NFKB1: variants seen among roughly 807,000 people sequenced by gnomAD.
NFKB1 encodes the protein nuclear factor NF-kappa-B p105 subunit.
In NFKB1, 9 loss-of-function variants were observed where a neutral mutation model predicts 105.1. That is an observed-to-expected ratio of 0.09 (90% confidence interval 0.05 to 0.15). The LOEUF is 0.15. Ranked by LOEUF, NFKB1 falls within the 10% of genes least tolerant of loss-of-function variation. NFKB1 has a pLI of 1.00. For synonymous variants in NFKB1, 440 were observed against 442.2 expected, an observed-to-expected ratio of 1.00 and a Z score of 0.06; for missense variants, 830 against 1,203.7, an observed-to-expected ratio of 0.69 and a Z score of 4.59.
intron 13 of NFKB1, 51 bp downstream of exon 13, chr4:102,595,032 C>T: frequency 2.4e-6 from 3 of 1,265,402 alleles, no homozygotes; most frequent in Non-Finnish European, 2.3e-6. Flanking sequence ...ATAATTAATG[C>T]TAAAAAGGGT....
At position 102,502,953 on chromosome 4, in the gene NFKB1, A is replaced by G. The variant is rs549594892; in HGVS notation, c.-8+1165A>G. ...TCAAGATATTCAATAATTTTTTTCT[A>G]GCAGAATCCCACAACTGAATATTGT... is the stretch of plus-strand genomic sequence containing the variant. On this transcript the variant is annotated intron_variant, in intron 1 of 23. Transcript: ENST00000226574. Among the ~76,000 whole-genome samples the G allele has an allele frequency of 3.3e-5, 5 of 152,290 alleles. No individual in the cohort carries two copies. The South Asian group carries it at 1.0e-3, about 32-fold the overall frequency.
Position 102,593,497 on chromosome 4 carries a change from G to T in NFKB1, c.1139G>T (p.Gly380Val). 1 of 1,613,798 alleles carries T rather than the reference G, an allele frequency of 6.2e-7. No individual in the cohort carries two copies. The highest frequency in any genetic ancestry group is 1.1e-5 in the South Asian group (1 of 91,054). Residue 380 changes from glycine to valine, a missense_variant, in exon 12 of 24, where the codon GGT becomes GTT. This residue lies in a region of NFKB1 where 163 missense variants were observed against 164.3 expected (regional missense o/e 0.99). Coordinates refer to ENST00000226574, the MANE Select transcript of NFKB1 (RefSeq NM_003998.4). ...TCGGATAGTTTCGGCGGTGGTAGTG[G>T]TGCTGGAGCTGGAGGCGGAGGCATG... ...NFSDSFGGGSGAGAGGGGMFG... is the reference protein window; with the variant it reads ...NFSDSFGGGSVAGAGGGGMFG...
At chr4:102,602,420 G>T (rs984051177) in intron 16 of NFKB1, among the ~76,000 whole-genome samples, 1 of 151,232 alleles carries the variant, frequency 6.6e-6, no homozygotes, top group Admixed American at 6.6e-5. Flanking sequence ...GGCGCCTGTA[G>T]TCCCAGCTAC....
intron 11 of NFKB1, among the ~76,000 whole-genome samples, chr4:102,588,971 G>T (rs765262003): frequency 6.6e-6 from 1 of 152,128 alleles, no homozygotes; most frequent in Non-Finnish European, 1.5e-5. Context: ...AAAGCAGACC[G>T]CAAGGATAAA....
chr4:102,573,074 C>T (rs1247941357), intron 6 of NFKB1, among the ~76,000 whole-genome samples: 2 of 152,070 alleles, frequency 1.3e-5, no homozygotes, highest in Admixed American at 6.6e-5. Context: ...TTTGGAAGGC[C>T]GAGGCGGGCA....
At chr4:102,525,453 A>G in intron 1 of NFKB1, 59 bp from the exon 2 acceptor site, 1 of 1,512,842 alleles carries the variant, frequency 6.6e-7, no homozygotes, top group Non-Finnish European at 9.1e-7. Flanking sequence ...CCATGGTGAT[A>G]GAATTTTTAA....
intron 5 of NFKB1, among the ~76,000 whole-genome samples, chr4:102,557,897 C>G (rs1490813634): frequency 6.6e-6 from 1 of 152,094 alleles, no homozygotes; most frequent in Non-Finnish European, 1.5e-5. Context: ...TTACCAGATA[C>G]TGTAGGGCCA....
intron 14 of NFKB1, 81 bp from the exon 15 acceptor site, chr4:102,597,439 G>A: frequency 7.3e-7 from 1 of 1,375,960 alleles, no homozygotes; most frequent in Non-Finnish European, 9.9e-7. Flanking sequence ...CACTGATGCT[G>A]GTCAGTTTGT....
At chr4:102,594,313 G>C (rs1726424446) in intron 12 of NFKB1, among the ~76,000 whole-genome samples, 1 of 152,084 alleles carries the variant, frequency 6.6e-6, no homozygotes. Flanking sequence ...ATGCTATACT[G>C]AACCTCTGTC....
At chr4:102,515,405 C>T (rs955067417) in intron 1 of NFKB1, among the ~76,000 whole-genome samples, 10 of 152,114 alleles carry the variant, frequency 6.6e-5, no homozygotes, top group South Asian at 4.1e-4. Context: ...CCACCGCGCC[C>T]GGCCCCATGT....
At chr4:102,549,071 C>T (rs1203426144) in intron 5 of NFKB1, among the ~76,000 whole-genome samples, 1 of 152,132 alleles carries the variant, frequency 6.6e-6, no homozygotes, top group Non-Finnish European at 1.5e-5. Context: ...CCTGATAATA[C>T]ACTCCGAAAG....
At chr4:102,528,151 G>C (rs1250890090) in intron 2 of NFKB1, among the ~76,000 whole-genome samples, 1 of 152,114 alleles carries the variant, frequency 6.6e-6, no homozygotes, top group East Asian at 1.9e-4. Context: ...AGTCTGAAGT[G>C]AAGAGTATAT....
chr4:102,544,659 A>G (rs1721992297), intron 5 of NFKB1, among the ~76,000 whole-genome samples: 1 of 152,202 alleles, frequency 6.6e-6, no homozygotes, highest in Non-Finnish European at 1.5e-5. Context: ...ATTTTGTCCT[A>G]AAACAAAATA....
intron 6 of NFKB1, among the ~76,000 whole-genome samples, chr4:102,569,117 CT>C (rs1560681417): frequency 6.6e-6 from 1 of 152,012 alleles, no homozygotes; most frequent in Non-Finnish European, 1.5e-5. Flanking sequence ...TACACTATTT[CT>C]TTCATAATTC....
intron 11 of NFKB1, among the ~76,000 whole-genome samples, chr4:102,589,090 T>C (rs1725958835): frequency 6.6e-6 from 1 of 152,238 alleles, no homozygotes; most frequent in South Asian, 2.1e-4. Context: ...CAGTTTCTTG[T>C]CATTGGAATC....
intron 6 of NFKB1, among the ~76,000 whole-genome samples, chr4:102,571,520 A>G (rs1447984221): frequency 6.6e-6 from 1 of 152,210 alleles, no homozygotes; most frequent in African/African-American, 2.4e-5. Flanking sequence ...CCGCAGCAAA[A>G]GAAACTACCA....
chr4:102,580,839 T>TTTTAGTGATTTAGA (rs1182364534), intron 9 of NFKB1, among the ~76,000 whole-genome samples, 200 bp downstream of exon 9: 1 of 152,226 alleles, frequency 6.6e-6, no homozygotes, highest in Non-Finnish European at 1.5e-5. Flanking sequence ...ACTAAATCAC[T>TTTTAGTGATTTAGA]TTTAGATTTC....
intron 11 of NFKB1, among the ~76,000 whole-genome samples, chr4:102,586,333 A>G (rs1725710764): frequency 6.6e-6 from 1 of 152,148 alleles, no homozygotes; most frequent in Admixed American, 6.5e-5. Context: ...GATGAAAGGA[A>G]CAAGGGAGCA....
intron 16 of NFKB1, among the ~76,000 whole-genome samples, chr4:102,605,595 T>C (rs935723675): frequency 6.6e-6 from 1 of 152,254 alleles, no homozygotes; most frequent in Non-Finnish European, 1.5e-5. Context: ...GTCTTACTCA[T>C]TTTTGAAAAC....
Sources: gnomAD v4.1 joint callset for allele counts (sites outside exome capture counted in the v4.1 genomes callset) on GRCh38, gnomAD v4.1.1 for gene constraint, gnomAD v4.1.1 regional missense constraint, MANE v1.5 for transcripts, NCBI Gene and HGNC (gene_info 2026-07-23, HGNC 2026-07-21) for gene names.